PKHD1: variants seen among roughly 807,000 people sequenced by gnomAD.
PKHD1 encodes PKHD1 ciliary IPT domain containing fibrocystin/polyductin.
Under a neutral mutation model 412.0 loss-of-function variants are expected in PKHD1, and 291 were observed. The ratio of observed to expected loss-of-function variants is 0.71; its 90% CI spans 0.64 to 0.78. PKHD1 has a LOEUF of 0.78. Ranked by LOEUF, PKHD1 falls within the 30% of genes least tolerant of loss-of-function variation. The probability of loss-of-function intolerance (pLI) is 0.00; values close to 1 mark genes in which losing one functional copy is unlikely to be tolerated. For missense variants in PKHD1, 4,825 were observed against 4,950.7 expected (o/e 0.97, Z 0.76); for synonymous variants, 1,777 against 1,821.5 (o/e 0.98, Z 0.62).
intron 61 of PKHD1, among the ~76,000 whole-genome samples, chr6:51,652,030 C>T (rs1771057307): frequency 6.6e-6 from 1 of 152,130 alleles, no homozygotes; most frequent in Non-Finnish European, 1.5e-5. Flanking sequence ...TGTCATTGTG[C>T]TGTCGTTATC....
chr6:51,864,553 T>G (rs1774728419), intron 48 of PKHD1, among the ~76,000 whole-genome samples: 1 of 152,090 alleles, frequency 6.6e-6, no homozygotes, highest in South Asian at 2.1e-4. Flanking sequence ...CAAGGATGAC[T>G]CCATGTTTCA....
In PKHD1 at chr6:52,070,617, C is replaced by CA. The variant is rs11397618; in HGVS notation, c.668-173dup. Among the ~76,000 whole-genome samples the CA allele has an allele frequency of 0.012, 1,695 of 145,894 alleles. 41 individuals are homozygous for CA. Among genetic ancestry groups the CA allele is most frequent in the African/African-American group, 0.036 (1,454 of 39,944 alleles). On this transcript the variant is annotated intron_variant, in intron 9 of 66. Coordinates refer to ENST00000371117, the MANE Select transcript of PKHD1 (RefSeq NM_138694.4). ...AAACAAACAAACAAAAAAACAAAAACAAAAAAAAAACACCTCATAAGTTTA... is the reference window on the plus strand; with the variant it reads ...AAACAAACAAACAAAAAAACAAAAACAAAAAAAAAAACACCTCATAAGTTTA...
At position 51,679,710 on chromosome 6, in the gene PKHD1, C is replaced by G. The variant is rs1182456603; in HGVS notation, c.10157-19741G>C. Among the ~76,000 whole-genome samples the G allele has an allele frequency of 3.9e-5, 6 of 152,124 alleles. 1 individual carries two copies. The East Asian group carries it at 1.2e-3, about 30-fold the overall frequency. ...GAAAGGTGGTAATAATGACCCAACTCGGTGATTCCCATTGAAAGCAAATTG... is the reference window on the plus strand; with the variant it reads ...GAAAGGTGGTAATAATGACCCAACTGGGTGATTCCCATTGAAAGCAAATTG... On this transcript the variant is annotated intron_variant, in intron 60 of 66. Coordinates refer to ENST00000371117, the MANE Select transcript of PKHD1 (RefSeq NM_138694.4).
chr6:51,763,310 A>G (rs561984097), intron 55 of PKHD1, among the ~76,000 whole-genome samples: 16 of 152,254 alleles, frequency 1.1e-4, no homozygotes, highest in Admixed American at 7.2e-4. Flanking sequence ...GGCCTGACAT[A>G]TAACAAGCTT....
At chr6:51,714,114 G>A (rs575159367) in intron 60 of PKHD1, among the ~76,000 whole-genome samples, 1 of 152,296 alleles carries the variant, frequency 6.6e-6, no homozygotes, top group African/African-American at 2.4e-5. Flanking sequence ...GCTCAGGCCT[G>A]TAATCCCAGC....
chr6:51,977,224 C>A (rs945653584), intron 35 of PKHD1, among the ~76,000 whole-genome samples: 5 of 152,146 alleles, frequency 3.3e-5, no homozygotes, highest in Admixed American at 3.3e-4. Context: ...GAAAAGAAGG[C>A]AACCCTCAGT....
At chr6:51,696,395 G>T (rs1778806794) in intron 60 of PKHD1, among the ~76,000 whole-genome samples, 1 of 152,082 alleles carries the variant, frequency 6.6e-6, no homozygotes. Flanking sequence ...GTAGAGCAAG[G>T]TTCACGAGAG....
rs1414880057 is a variant in PKHD1, at chr6:52,056,951, A to C, written c.1541T>G (p.Phe514Cys). 1 of 1,613,834 alleles carries C rather than the reference A, an allele frequency of 6.2e-7. No homozygotes were observed. Among genetic ancestry groups the C allele is most frequent in the African/African-American group, 1.3e-5 (1 of 75,044 alleles). Residue 514 changes from phenylalanine (F) to cysteine (C), a missense_variant, in exon 17 of 67, where the codon TTC becomes TGC. Phe to Cys is a radical substitution (Grantham distance 205, BLOSUM62 -2). Coordinates refer to ENST00000371117, the MANE Select transcript of PKHD1 (RefSeq NM_138694.4). ...AGAGACATTGTCCCAAGTAAGGAAG[A>C]AGTTTCCTCTGCCTGATACATTCAG... Reference protein sequence around the residue: ...QVLNVSGRGNFFLTWDNVSSQ... With the variant: ...QVLNVSGRGNCFLTWDNVSSQ...
At chr6:51,734,216 T>C (rs1447038909) in intron 60 of PKHD1, among the ~76,000 whole-genome samples, 3 of 152,202 alleles carry the variant, frequency 2.0e-5, no homozygotes, top group African/African-American at 7.2e-5. Flanking sequence ...ATCTTCAGTA[T>C]TTTAATACAC....
At chr6:51,656,615 C>T (rs1474502189) in intron 61 of PKHD1, among the ~76,000 whole-genome samples, 2 of 151,380 alleles carry the variant, frequency 1.3e-5, no homozygotes, top group Non-Finnish European at 2.9e-5. Flanking sequence ...TAGATGGCTA[C>T]TCCGTTTCTT....
intron 61 of PKHD1, among the ~76,000 whole-genome samples, chr6:51,649,999 G>A (rs1274467933): frequency 6.6e-6 from 1 of 152,112 alleles, no homozygotes; most frequent in Non-Finnish European, 1.5e-5. Flanking sequence ...CTATGTGGTA[G>A]GTACTCTTAT....
chr6:51,858,787 A>C (rs540254694), intron 48 of PKHD1, among the ~76,000 whole-genome samples: 47 of 152,200 alleles, frequency 3.1e-4, no homozygotes, highest in Non-Finnish European at 6.0e-4. Flanking sequence ...GCATCAGAAC[A>C]CTCCAGCTGG....
intron 52 of PKHD1, among the ~76,000 whole-genome samples, chr6:51,806,115 C>G (rs1763737782): frequency 6.6e-6 from 1 of 151,898 alleles, no homozygotes. Flanking sequence ...GGAGATATAC[C>G]TAATGTTAAA....
At chr6:51,650,439 G>GTTATTTAA (rs138227368) in intron 61 of PKHD1, among the ~76,000 whole-genome samples, 2 of 148,110 alleles carry the variant, frequency 1.4e-5, no homozygotes, top group Non-Finnish European at 3.0e-5. Flanking sequence ...GGTCTCATGA[G>GTTATTTAA]GTATTTATTT....
intron 27 of PKHD1, among the ~76,000 whole-genome samples, chr6:52,041,666 C>G (rs1300100751): frequency 6.6e-6 from 1 of 152,202 alleles, no homozygotes; most frequent in Non-Finnish European, 1.5e-5. Flanking sequence ...AGTTTTCCAT[C>G]TTTTGCTAAA....
At chr6:51,808,574 C>CA (rs1270684912) in intron 52 of PKHD1, among the ~76,000 whole-genome samples, 20 of 151,966 alleles carry the variant, frequency 1.3e-4, no homozygotes, top group Admixed American at 1.3e-3. Context: ...TAGTCCTTGT[C>CA]AGACATGTAA....
At chr6:51,826,740 T>C (rs1283229522) in intron 52 of PKHD1, among the ~76,000 whole-genome samples, 4 of 152,184 alleles carry the variant, frequency 2.6e-5, no homozygotes, top group Non-Finnish European at 4.4e-5. Context: ...CTCCATATAA[T>C]ACCACAGAGA....
chr6:51,904,202 G>T (rs555360019), intron 41 of PKHD1, among the ~76,000 whole-genome samples, 160 bp from the exon 42 acceptor site: 47 of 152,092 alleles, frequency 3.1e-4, no homozygotes, highest in Non-Finnish European at 3.4e-4. Context: ...GTACTCTTCA[G>T]TTCTAGAGTA....
In PKHD1 at chr6:51,659,662, G is replaced by T. The variant is rs775481784; in HGVS notation, c.10464C>A (p.Asn3488Lys). ...PQVLRFFLLG[N>K]KSTSKLLLAV... Reference sequence around the variant, plus strand: ...CCAAGAGAAGCTTGGAGGTACTTTTGTTCCCCAATAGAAAAAAGCGCAAAA... The same window carrying T: ...CCAAGAGAAGCTTGGAGGTACTTTTTTTCCCCAATAGAAAAAAGCGCAAAA... The change falls in exon 61 of 67, where the codon AAC becomes AAA. Residue 3488 changes from asparagine to lysine, a missense_variant. Transcript: ENST00000371117. The T allele has an allele frequency of 3.7e-6, 6 of 1,613,790 alleles. No individual in the cohort carries two copies. The East Asian group carries it at 6.7e-5, about 18-fold the overall frequency.
Sources: gnomAD v4.1 joint callset for allele counts (sites outside exome capture counted in the v4.1 genomes callset) on GRCh38, gnomAD v4.1.1 for gene constraint, MANE v1.5 for transcripts, NCBI Gene and HGNC (gene_info 2026-07-23, HGNC 2026-07-21) for gene names.